Variants in PCDH7 observed in about 807,000 individuals in gnomAD.
The protein encoded by PCDH7 is protocadherin 7.
Under a neutral mutation model 58.9 loss-of-function variants are expected in PCDH7, and 17 were observed. The observed-to-expected ratio is 0.29, with a 90% CI of 0.20 to 0.43. The LOEUF (loss-of-function observed/expected upper bound fraction) is 0.43. PCDH7 is among the 20% of genes least tolerant of loss of function. The pLI, the probability that PCDH7 is intolerant of heterozygous loss-of-function variation, is 1.00. For synonymous variants in PCDH7, 664 were observed against 616.4 expected, an observed-to-expected ratio of 1.08 and a Z score of -1.14; for missense variants, 1,274 against 1,441.0, an observed-to-expected ratio of 0.88 and a Z score of 1.88.
intron 1 of PCDH7, among the ~76,000 whole-genome samples, chr4:30,798,208 G>A (rs953936993): frequency 2.0e-5 from 3 of 152,172 alleles, no homozygotes; most frequent in Admixed American, 6.5e-5. Flanking sequence ...GAACTTGGGA[G>A]GAATGGGAGT....
chr4:30,739,111 C>CTA (rs1031587055), intron 1 of PCDH7, among the ~76,000 whole-genome samples: 7 of 137,496 alleles, frequency 5.1e-5, no homozygotes, highest in East Asian at 6.4e-4. Context: ...CAACCTGGAA[C>CTA]TATATATATA....
At chr4:30,902,425 G>C (rs10026764) in intron 1 of PCDH7, among the ~76,000 whole-genome samples, 1 of 152,014 alleles carries the variant, frequency 6.6e-6, no homozygotes, top group African/African-American at 2.4e-5. Context: ...TAAAAATGCC[G>C]ACACTATCTT....
chr4:30,968,810 C>G (rs1328418312), intron 3 of PCDH7, among the ~76,000 whole-genome samples: 1 of 152,066 alleles, frequency 6.6e-6, no homozygotes, highest in Non-Finnish European at 1.5e-5. Flanking sequence ...GCATAGGATG[C>G]TCTATAGTGG....
chr4:30,947,306 C>A (rs1746819503), intron 2 of PCDH7, among the ~76,000 whole-genome samples: 1 of 152,076 alleles, frequency 6.6e-6, no homozygotes, highest in Non-Finnish European at 1.5e-5. Context: ...AAACTTATTA[C>A]AAACTCTTTA....
intron 1 of PCDH7, among the ~76,000 whole-genome samples, chr4:30,892,597 A>C (rs926562543): frequency 6.6e-6 from 1 of 152,066 alleles, no homozygotes; most frequent in Non-Finnish European, 1.5e-5. Context: ...TATACTGCAT[A>C]GGTTTGTGAA....
At chr4:30,923,428 T>C (rs928591229) in intron 2 of PCDH7, among the ~76,000 whole-genome samples, 4 of 152,186 alleles carry the variant, frequency 2.6e-5, no homozygotes, top group Non-Finnish European at 5.9e-5. Flanking sequence ...TGTAGTATGA[T>C]GAATACAATT....
intron 1 of PCDH7, among the ~76,000 whole-genome samples, chr4:30,800,885 A>G (rs188204884): frequency 5.4e-4 from 82 of 152,334 alleles, no homozygotes; most frequent in Non-Finnish European, 2.8e-4. Context: ...AGGAGTTTGT[A>G]TTTATCCTAT....
At chr4:30,909,920 A>G (rs1741504321) in intron 1 of PCDH7, among the ~76,000 whole-genome samples, 1 of 152,206 alleles carries the variant, frequency 6.6e-6, no homozygotes, top group Non-Finnish European at 1.5e-5. Context: ...ACTTGACTTC[A>G]AACTATACTA....
intron 3 of PCDH7, among the ~76,000 whole-genome samples, chr4:31,015,645 C>T (rs182881913): frequency 3.7e-4 from 57 of 152,232 alleles, no homozygotes; most frequent in Admixed American, 5.9e-4. Context: ...AGCCTTTACC[C>T]ATGTCTGCAT....
intron 1 of PCDH7, among the ~76,000 whole-genome samples, chr4:30,778,285 T>C (rs1447364): frequency 0.55 from 83,115 of 152,002 alleles, 23,591 homozygotes; most frequent in African/African-American, 0.7. Context: ...GCACTTATAA[T>C]ACAAAAGAGC....
intron 2 of PCDH7, among the ~76,000 whole-genome samples, chr4:30,927,631 GC>G (rs1293326805): frequency 1.3e-5 from 2 of 152,070 alleles, no homozygotes; most frequent in Non-Finnish European, 2.9e-5. Flanking sequence ...TGCAAGATGT[GC>G]TTTGTTAAAC....
At chr4:30,853,564 A>T (rs148956420) in intron 1 of PCDH7, among the ~76,000 whole-genome samples, 1 of 152,018 alleles carries the variant, frequency 6.6e-6, no homozygotes, top group Non-Finnish European at 1.5e-5. Flanking sequence ...CAAGTTTTAT[A>T]TATTTATTTT....
intron 1 of PCDH7, among the ~76,000 whole-genome samples, chr4:30,790,922 CAAAA>C (rs953471010): frequency 1.3e-5 from 2 of 149,380 alleles, no homozygotes; most frequent in East Asian, 2.0e-4. Context: ...GACCTTGTCT[CAAAA>C]AAAACAAAAC....
In PCDH7 at chr4:30,750,930, T is replaced by C. The variant is rs554965060; in HGVS notation, c.70+26334T>C. 1.4e-4 allele frequency among the ~76,000 whole-genome samples: 21 copies of C among 152,052 alleles called. No homozygotes were observed. The East Asian group carries it at 3.7e-3, about 27-fold the overall frequency. On this transcript the variant is annotated intron_variant, in intron 1 of 3. Coordinates refer to the PCDH7 transcript ENST00000509759. Reference sequence around the variant, plus strand: ...GAAAGTTCTTGCAGAATAGGTGATATTTACAGAGTTGTTAAGGAAAGGCAG... The same window carrying C: ...GAAAGTTCTTGCAGAATAGGTGATACTTACAGAGTTGTTAAGGAAAGGCAG...
intron 1 of PCDH7, among the ~76,000 whole-genome samples, chr4:30,848,514 C>A (rs1578033671): frequency 6.6e-6 from 1 of 152,058 alleles, no homozygotes; most frequent in Non-Finnish European, 1.5e-5. Flanking sequence ...AGGACAGATG[C>A]AATGAGGGCT....
At chr4:31,142,914 T>C in exon 4 of PCDH7, 1 of 1,208,996 alleles carries the variant, frequency 8.3e-7, no homozygotes, top group South Asian at 1.4e-5. Flanking sequence ...GCAAAAACCT[T>C]ACAAAGCAAA....
intron 3 of PCDH7, among the ~76,000 whole-genome samples, chr4:30,955,440 A>G (rs1747752679): frequency 6.6e-6 from 1 of 152,012 alleles, no homozygotes; most frequent in East Asian, 1.9e-4. Flanking sequence ...AGATGTTAAA[A>G]TTTAGATTGC....
chr4:30,989,199 T>C (rs1413536012), intron 3 of PCDH7, among the ~76,000 whole-genome samples: 1 of 152,184 alleles, frequency 6.6e-6, no homozygotes, highest in Non-Finnish European at 1.5e-5. Flanking sequence ...TTTGATAAAG[T>C]TGAAGAGATT....
Position 30,722,239 on chromosome 4 carries a change from T to A in PCDH7, c.817T>A (p.Ser273Thr). 1 of 1,593,586 alleles carries A rather than the reference T, an allele frequency of 6.3e-7. No individual in the cohort carries two copies. The highest frequency in any genetic ancestry group is 8.5e-7 in the Non-Finnish European group (1 of 1,171,062). The stretch of plus-strand genomic sequence containing the variant: ...GGCGCTGGACCGCGAGCAGCGCGAC[T>A]CCTACGAGCTGACCCTGCGAGTGCG... Residue 273 changes from serine to threonine, a missense_variant, in exon 1 of 2, where the codon TCC (serine) becomes ACC (threonine). By Grantham distance (58) the Ser-to-Thr change is moderately conservative. Coordinates refer to ENST00000361762, the Ensembl canonical transcript of PCDH7. This position sits in a 1 kb window ranked among gnomAD's most constrained non-coding sequence, Gnocchi z 7.6.
Sources: gnomAD v4.1 joint callset for allele counts (sites outside exome capture counted in the v4.1 genomes callset) on GRCh38, gnomAD v4.1.1 for gene constraint, Gnocchi (gnomAD v3.1) non-coding constraint, MANE v1.5 for transcripts, NCBI Gene and HGNC (gene_info 2026-07-23, HGNC 2026-07-21) for gene names.